The following JAK3 variants were observed in gnomAD, a reference collection of about 807,000 sequenced individuals.
The protein encoded by JAK3 is tyrosine-protein kinase JAK3.
Under a neutral mutation model 120.8 loss-of-function variants are expected in JAK3, and 88 were observed. The observed-to-expected ratio is 0.73, with a 90% CI of 0.61 to 0.87. The LOEUF (loss-of-function observed/expected upper bound fraction) is 0.87, where lower values mean the gene tolerates loss of function less well. JAK3 is among the 40% of genes least tolerant of loss of function. JAK3 has a pLI of 0.00. For synonymous variants in JAK3, 592 were observed against 628.6 expected (o/e 0.94, Z 0.87); for missense variants, 1,254 against 1,501.4 (o/e 0.84, Z 2.72).
At chr19:17,837,382 C>G (rs1368993570) in intron 12 of JAK3, among the ~76,000 whole-genome samples, 169 bp from the exon 13 acceptor site, 1 of 152,146 alleles carries the variant, frequency 6.6e-6, no homozygotes, top group African/African-American at 2.4e-5. Flanking sequence ...TGATACGGGA[C>G]AGAAGTTCCC....
chr19:17,843,752 C>T lies in JAK3; in HGVS notation c.308+25G>A. 3 of 1,612,500 alleles carry T rather than the reference C, an allele frequency of 1.9e-6. No individual in the cohort carries two copies. Among genetic ancestry groups the T allele is most frequent in the Non-Finnish European group, 2.5e-6 (3 of 1,179,760 alleles). On this transcript the variant is annotated intron_variant, in intron 3 of 23. Coordinates refer to ENST00000458235, the MANE Select transcript of JAK3 (RefSeq NM_000215.4). The surrounding 1 kb of genome is among the most constrained non-coding windows in gnomAD (Gnocchi z 5.4). ...AGGAGATGATAAAATTGTACAATCC[C>T]TGGGGGCTGGGGGGCACTTCCTACC...
At chr19:17,844,586 G>T in intron 1 of JAK3, 156 bp from the exon 2 acceptor site, 1 of 653,148 alleles carries the variant, frequency 1.5e-6, no homozygotes, top group Non-Finnish European at 2.6e-6. Flanking sequence ...ATCACTTGAG[G>T]TCAGGAGTTT....
rs1299325240 is a variant in JAK3, at chr19:17,843,831, C to T, written c.254G>A (p.Ser85Asn). Residue 85 changes from serine to asparagine, a missense_variant, in exon 3 of 24, where the codon AGC (serine) becomes AAC (asparagine). Around this residue, in one of 3 missense-constraint regions of JAK3, gnomAD observed 138 missense variants for 178.7 expected, o/e 0.77. Coordinates refer to ENST00000458235, the MANE Select transcript of JAK3 (RefSeq NM_000215.4). The surrounding 1 kb of genome is among the most constrained non-coding windows in gnomAD (Gnocchi z 5.4). ...GGCATCCTCCACGGAGAAGATGTGG[C>T]TCGGGGGGAACCAGCAGGACAGGTC... is the stretch of plus-strand genomic sequence containing the variant. ...TEDLSCWFPP[S>N]HIFSVEDAST... 6.2e-7 allele frequency: 1 copy of T among 1,613,442 alleles called. No homozygotes were observed. Among genetic ancestry groups the T allele is most frequent in the Non-Finnish European group, 8.5e-7 (1 of 1,179,966 alleles).
chr19:17,831,852 T>C lies in JAK3; in HGVS notation c.2681-54A>G. 1 of 1,603,930 alleles carries C rather than the reference T, an allele frequency of 6.2e-7. No homozygotes were observed. The highest frequency in any genetic ancestry group is 8.5e-7 in the Non-Finnish European group (1 of 1,174,192). On this transcript the variant is annotated intron_variant, in intron 19 of 23. Transcript: ENST00000458235. This position sits in a 1 kb window ranked among gnomAD's most constrained non-coding sequence, Gnocchi z 5.1. ...GGCCCAGCCCTGCTCGTCCCCCCATTCTTCCCCCCTTTCACAGTGGGACCT... is the reference window on the plus strand; with the variant it reads ...GGCCCAGCCCTGCTCGTCCCCCCATCCTTCCCCCCTTTCACAGTGGGACCT...
chr19:17,832,006 G>A lies in JAK3; in HGVS notation c.2681-208C>T, dbSNP rs1404003044. On this transcript the variant is annotated intron_variant, in intron 19 of 23. Coordinates refer to ENST00000458235, the MANE Select transcript of JAK3 (RefSeq NM_000215.4). This position sits in a 1 kb window ranked among gnomAD's most constrained non-coding sequence, Gnocchi z 4.7. ...TTTATATATCACGGCCAGGTGCAGT[G>A]GCTCACGCCTGTAATCCCAGCACTT... 6.6e-6 allele frequency among the ~76,000 whole-genome samples: 1 copy of A among 152,212 alleles called. No individual in the cohort carries two copies. Among genetic ancestry groups the A allele is most frequent in the Non-Finnish European group, 1.5e-5 (1 of 68,040 alleles).
intron 12 of JAK3, 151 bp from the exon 13 acceptor site, chr19:17,837,364 T>C: frequency 1.4e-6 from 1 of 697,550 alleles, no homozygotes; most frequent in South Asian, 1.5e-5. Context: ...AGCACTACCA[T>C]GATTTTCTGA....
At chr19:17,830,721 G>T in intron 21 of JAK3, 101 bp from the exon 22 acceptor site, 2 of 902,752 alleles carry the variant, frequency 2.2e-6, no homozygotes, top group Non-Finnish European at 3.7e-6. Context: ...TGGGGACTGT[G>T]AGCAGGTCAG....
rs2094223481 is a variant in JAK3, at chr19:17,836,021, C to T, written c.1817G>A (p.Gly606Glu). The change falls in exon 14 of 24, where the codon GGG (glycine) becomes GAG (glutamate). Residue 606 changes from glycine (G) to glutamate (E), a missense_variant. Gly to Glu is a moderately conservative substitution (Grantham distance 98). Around this residue, in one of 3 missense-constraint regions of JAK3, gnomAD observed 630 missense variants for 819.8 expected, o/e 0.77. Transcript: ENST00000458235. ...STMVQEFVHL[G>E]AIDMYLRKRG... Reference sequence around the variant, plus strand: ...TTTTCGCAGATACATGTCTATGGCCCCCAGGTGTACAAATTCCTGCACCAT... The same window carrying T: ...TTTTCGCAGATACATGTCTATGGCCTCCAGGTGTACAAATTCCTGCACCAT... 1 of 1,613,860 alleles carries T rather than the reference C, an allele frequency of 6.2e-7. No individual in the cohort carries two copies. Among genetic ancestry groups the T allele is most frequent in the Non-Finnish European group, 8.5e-7 (1 of 1,180,030 alleles).
intron 1 of JAK3, among the ~76,000 whole-genome samples, chr19:17,847,681 C>T (rs573975615): frequency 2.6e-5 from 4 of 152,164 alleles, no homozygotes; most frequent in Admixed American, 6.5e-5. Context: ...ACCCCCAACC[C>T]CGCAGCCCCC....
In JAK3 at chr19:17,841,270, G is replaced by T; in HGVS notation, c.1142+119C>A. The T allele has an allele frequency of 1.0e-6, 1 of 975,630 alleles. No individual in the cohort carries two copies. The highest frequency in any genetic ancestry group is 1.5e-6 in the Non-Finnish European group (1 of 660,652). The allele number at this position is 975,630 out of a possible 1,614,324, so 60.4% of individuals were successfully genotyped here. A position where few individuals can be genotyped will look rare whatever the true frequency, so the allele number is the denominator to read the frequency against. On this transcript the variant is annotated intron_variant, in intron 8 of 23. Coordinates refer to ENST00000458235, the MANE Select transcript of JAK3 (RefSeq NM_000215.4). This position sits in a 1 kb window ranked among gnomAD's most constrained non-coding sequence, Gnocchi z 4.1. ...TCACTGAGCGCTGACTGTGCGGCAG[G>T]TGTGGTTTGAAAACTTGACCCCTGT...
Position 17,830,513 on chromosome 19 carries a change from C to T in JAK3, c.3086G>A (p.Ser1029Asn). Reference sequence around the variant, plus strand: ...GGGAAGCCGACTCACGGCCGAGGGGCTGCAGCTTTTGTCGCAGTAGGTGAA... The same window carrying T: ...GGGAAGCCGACTCACGGCCGAGGGGTTGCAGCTTTTGTCGCAGTAGGTGAA... ...ELFTYCDKSCSPSAEFLRMMG... is the reference protein window; with the variant it reads ...ELFTYCDKSCNPSAEFLRMMG... The change falls in exon 22 of 24, where the codon AGC (serine) becomes AAC (asparagine). Residue 1029 changes from serine to asparagine, a missense_variant. Transcript: ENST00000458235. 1 of 1,613,160 alleles carries T rather than the reference C, an allele frequency of 6.2e-7. No individual in the cohort carries two copies. Among genetic ancestry groups the T allele is most frequent in the South Asian group, 1.1e-5 (1 of 91,038 alleles).
rs2094228591 is a variant in JAK3 at position 17,838,031 on chromosome 19, C to G, written c.1602G>C (p.Lys534Asn). ...HENLGHGSFT[K>N]IYRGCRHEVV... ...CCTCATGGCGACAGCCCCGGTAAAT[C>G]TTGGTGAAGGACCCATGGCCCAGGT... Residue 534 changes from lysine (K) to asparagine (N), a missense_variant, in exon 12 of 24, where the codon AAG becomes AAC. By Grantham distance (94) the Lys-to-Asn change is moderately conservative. This residue lies in a region of JAK3 where 630 missense variants were observed against 819.8 expected (regional missense o/e 0.77). Coordinates refer to ENST00000458235, the MANE Select transcript of JAK3 (RefSeq NM_000215.4). 1 of 1,614,010 alleles carries G rather than the reference C, an allele frequency of 6.2e-7. No individual in the cohort carries two copies. The highest frequency in any genetic ancestry group is 1.7e-5 in the Admixed American group (1 of 59,992).
chr19:17,839,062 T>G, intron 10 of JAK3: 1 of 354,354 alleles, frequency 2.8e-6, no homozygotes, highest in South Asian at 2.1e-5. Flanking sequence ...CCCATAGGGA[T>G]TTGGGATGAG....
chr19:17,832,637 C>G lies in JAK3; in HGVS notation c.2562G>C (p.Val854=), dbSNP rs2147678363. The stretch of plus-strand genomic sequence containing the variant: ...CTGGCCCGCTGTGCTGCAGCTGTTT[C>G]ACGGCCACCAGGGCACCTGTATTGT... ...LGDNTGALVA[V]KQLQHSGPDQ... Residue 854 remains valine (V), a synonymous_variant, in exon 19 of 24, where the codon GTG becomes GTC. Coordinates refer to ENST00000458235, the MANE Select transcript of JAK3 (RefSeq NM_000215.4). This position sits in a 1 kb window ranked among gnomAD's most constrained non-coding sequence, Gnocchi z 4.7. 1 of 1,614,244 alleles carries G rather than the reference C, an allele frequency of 6.2e-7. No homozygotes were observed.
intron 8 of JAK3, 91 bp from the exon 9 acceptor site, chr19:17,840,432 T>TG (rs1169785902): frequency 1.2e-6 from 1 of 857,642 alleles, no homozygotes; most frequent in African/African-American, 1.7e-5. Context: ...TCTGTAGCCC[T>TG]GGGATCCTTG....
In JAK3 at chr19:17,831,792, T is replaced by C. The variant is rs369202325; in HGVS notation, c.2687A>G (p.Gln896Arg). ...GTACTCCATGACCAGCCGCAGGCTC[T>C]GGCGGCCTGGAGAAGGCAGGATCTG... The part of the protein sequence containing the change: ...YRGVSYGPGR[Q>R]SLRLVMEYLP... The change falls in exon 20 of 24, where the codon CAG becomes CGG. Residue 896 changes from glutamine to arginine, a missense_variant. Around this residue, in one of 3 missense-constraint regions of JAK3, gnomAD observed 630 missense variants for 819.8 expected, o/e 0.77. Coordinates refer to ENST00000458235, the MANE Select transcript of JAK3 (RefSeq NM_000215.4). The surrounding 1 kb of genome is among the most constrained non-coding windows in gnomAD (Gnocchi z 5.1). The C allele has an allele frequency of 6.2e-7, 1 of 1,612,836 alleles. No homozygotes were observed.
intron 14 of JAK3, among the ~76,000 whole-genome samples, chr19:17,835,513 C>T (rs992935483): frequency 2.0e-5 from 3 of 152,194 alleles, no homozygotes; most frequent in Admixed American, 2.0e-4. Flanking sequence ...ATGAACTTCC[C>T]TTCCACACTT....
chr19:17,847,941 C>G lies in JAK3; in HGVS notation c.-14+5G>C. On this transcript the variant is annotated splice_donor_5th_base_variant and intron_variant, in intron 1 of 23. Coordinates refer to ENST00000458235, the MANE Select transcript of JAK3 (RefSeq NM_000215.4). ...GCCGAGCCCTGCGGCATCGCCAGCT[C>G]TTACCTAGCGGGCAGGGACCCTGGA... 1 of 1,028,898 alleles carries G rather than the reference C, an allele frequency of 9.7e-7. No individual in the cohort carries two copies. The highest frequency in any genetic ancestry group is 1.2e-6 in the Non-Finnish European group (1 of 854,452). 63.7% of individuals were successfully genotyped at this position (1,028,898 alleles called of 1,614,324 possible).
Position 17,839,596 on chromosome 19 carries a change from A to C in JAK3, c.1322T>G (p.Val441Gly). Reference sequence around the variant, plus strand: ...ACTGCTGTGGGGTCGGCTGAGGCCAACCAGAAGGAAGGTTCCTGTGGGGCT... The same window carrying C: ...ACTGCTGTGGGGTCGGCTGAGGCCACCCAGAAGGAAGGTTCCTGTGGGGCT... ...RRSPTGTFLL[V>G]GLSRPHSSLR... The change falls in exon 10 of 24, where the codon GTT becomes GGT. Residue 441 changes from valine (V) to glycine (G), a missense_variant. Transcript: ENST00000458235. 6.2e-7 allele frequency: 1 copy of C among 1,612,408 alleles called. No individual in the cohort carries two copies. Among genetic ancestry groups the C allele is most frequent in the Non-Finnish European group, 8.5e-7 (1 of 1,179,504 alleles).
Sources: allele counts gnomAD v4.1 joint callset (sites outside exome capture counted in the v4.1 genomes callset), GRCh38; gene constraint gnomAD v4.1.1; regional missense constraint gnomAD v4.1.1; non-coding constraint Gnocchi (gnomAD v3.1); transcripts MANE v1.5; gene names NCBI Gene and HGNC (gene_info 2026-07-23, HGNC 2026-07-21).